TRPM8: variants seen among roughly 807,000 people sequenced by gnomAD.
TRPM8 encodes TRPM8 cationic channel.
TRPM8 carries 110 observed loss-of-function variants against 133.7 expected under a neutral mutation model. The observed-to-expected ratio is 0.82, with a 90% CI of 0.70 to 0.96. The LOEUF (loss-of-function observed/expected upper bound fraction) is 0.96. TRPM8 is among the 40% of genes least tolerant of loss of function. TRPM8 has a pLI of 0.00. For missense variants in TRPM8, 1,291 were observed against 1,379.5 expected (o/e 0.94, Z 1.02); for synonymous variants, 535 against 532.3 (o/e 1.01, Z -0.07).
At chr2:233,992,712 AT>A (rs1478832050) in intron 21 of TRPM8, among the ~76,000 whole-genome samples, 1 of 152,184 alleles carries the variant, frequency 6.6e-6, no homozygotes, top group Non-Finnish European at 1.5e-5. Context: ...CAAAGGGAAA[AT>A]TGCAGAATTC....
intron 2 of TRPM8, among the ~76,000 whole-genome samples, chr2:233,928,697 A>G (rs548670086): frequency 1.4e-4 from 22 of 152,350 alleles, no homozygotes; most frequent in Middle Eastern, 6.8e-3. Context: ...AAAGATACAA[A>G]GAAAAGAATG....
rs1439256492 is a variant in TRPM8, at chr2:233,998,179, C to T, written c.3130+1663C>T. 2.0e-5 allele frequency among the ~76,000 whole-genome samples: 3 copies of T among 152,110 alleles called. No homozygotes were observed. The East Asian group carries it at 5.8e-4, about 29-fold the overall frequency. ...GGATGTAGCTGTGGGGCCAACTCCT[C>T]CATCAGGCACAGTGCCAGGGCCCAC... On this transcript the variant is annotated intron_variant, in intron 22 of 25. Transcript: ENST00000324695.
chr2:234,016,629 C>A (rs1346110269), intron 25 of TRPM8, among the ~76,000 whole-genome samples: 1 of 152,174 alleles, frequency 6.6e-6, no homozygotes, highest in African/African-American at 2.4e-5. Context: ...TTGAATCAAC[C>A]TTTGATCCCG....
chr2:233,954,537 A>T (rs1288482139), intron 10 of TRPM8, among the ~76,000 whole-genome samples: 1 of 152,214 alleles, frequency 6.6e-6, no homozygotes, highest in Non-Finnish European at 1.5e-5. Flanking sequence ...CCCATAGTAA[A>T]TAGATCCTTG....
intron 2 of TRPM8, among the ~76,000 whole-genome samples, chr2:233,926,905 CCTT>C (rs1691529204): frequency 6.6e-6 from 1 of 152,146 alleles, no homozygotes; most frequent in Non-Finnish European, 1.5e-5. Context: ...TAGCTGCACT[CCTT>C]CACACTGTCT....
rs1223943672 is a variant in TRPM8, at chr2:233,995,845, TC to T, written c.2940-478del. ...GTATTTCCTTATTCTTAGGGTAGAT[TC>T]CCAGAAGTAAAGTCATTGGGTCAAA... On this transcript the variant is annotated intron_variant, in intron 21 of 25. Transcript: ENST00000324695. Among the ~76,000 whole-genome samples, 3 of 152,162 alleles carry T rather than the reference TC, an allele frequency of 2.0e-5. No individual in the cohort carries two copies. The East Asian group carries it at 5.8e-4, about 29-fold the overall frequency.
chr2:234,008,612 G>A (rs946716542), intron 24 of TRPM8, among the ~76,000 whole-genome samples: 3 of 152,158 alleles, frequency 2.0e-5, no homozygotes, highest in Non-Finnish European at 2.9e-5. Context: ...CAATCGATTC[G>A]TATATGCTAG....
At position 234,017,988 on chromosome 2, in the gene TRPM8, A is replaced by ATTAT. The variant is rs1692998573; in HGVS notation, c.*734_*735insATTT. The ATTAT allele has an allele frequency of 8.6e-6, 1 of 116,312 alleles. No individual in the cohort carries two copies. The highest frequency in any genetic ancestry group is 3.3e-5 in the African/African-American group (1 of 29,994). The allele number at this position is 116,312 out of a possible 1,614,324, so 7.2% of individuals were successfully genotyped here. A position where few individuals can be genotyped will look rare whatever the true frequency, so the allele number is the denominator to read the frequency against. On this transcript the variant is annotated 3_prime_UTR_variant, in exon 26 of 26. Transcript: ENST00000324695. Reference sequence around the variant, plus strand: ...GTTCTTATTGGATACTCCTCTTATTATTTTTCCATTAAAAATAATAGCTGG... The same window carrying ATTAT: ...GTTCTTATTGGATACTCCTCTTATTATTATTTTTTCCATTAAAAATAATAGCTGG...
Position 234,015,706 on chromosome 2 carries a change from T to G in TRPM8, c.*42+1052T>G, listed in dbSNP as rs184531180. On this transcript the variant is annotated intron_variant, in intron 25 of 25. Coordinates refer to ENST00000324695, the MANE Select transcript of TRPM8 (RefSeq NM_024080.5). ...ATGGAGGGCTTTGTTAGAGCAAGAC[T>G]GATGCACATTTGATGTAATCTGAAA... 1.5e-4 allele frequency among the ~76,000 whole-genome samples: 23 copies of G among 152,380 alleles called. No individual in the cohort carries two copies. The East Asian group carries it at 3.3e-3, about 22-fold the overall frequency.
chr2:233,993,664 C>T (rs1344038519), intron 21 of TRPM8, among the ~76,000 whole-genome samples: 1 of 152,150 alleles, frequency 6.6e-6, no homozygotes, highest in Non-Finnish European at 1.5e-5. Context: ...CTCCAAGTGG[C>T]CACTTAAGCC....
rs753669615 is a variant in TRPM8 at position 233,964,711 on chromosome 2, T to C, written c.1833T>C (p.Ala611=). 2 of 1,613,198 alleles carry C rather than the reference T, an allele frequency of 1.2e-6. No homozygotes were observed. Among genetic ancestry groups the C allele is most frequent in the East Asian group, 2.2e-5 (1 of 44,858 alleles). Residue 611 remains alanine, a synonymous_variant, in exon 14 of 26, where the codon GCT becomes GCC. Coordinates refer to ENST00000324695, the MANE Select transcript of TRPM8 (RefSeq NM_024080.5). ...LAKVKNDINA[A]GESEELANEY... is the part of the protein sequence containing the mutation. The stretch of plus-strand genomic sequence containing the variant: ...AAGTGAAGAACGACATCAATGCTGC[T>C]GGGGAGTCCGAGGAGCTGGCTAATG...
chr2:233,949,092 C>A (rs1166954447), intron 8 of TRPM8, among the ~76,000 whole-genome samples: 2 of 152,174 alleles, frequency 1.3e-5, no homozygotes, highest in East Asian at 3.9e-4. Context: ...TGCATCCCTT[C>A]CTGGTTTAAC....
At chr2:233,950,294 A>G in intron 9 of TRPM8, 148 bp downstream of exon 9, 1 of 739,860 alleles carries the variant, frequency 1.4e-6, no homozygotes, top group Non-Finnish European at 2.2e-6. Flanking sequence ...TCTTGCTGGA[A>G]ACTGAAGTTC....
intron 21 of TRPM8, among the ~76,000 whole-genome samples, chr2:233,991,911 A>C (rs1482270830): frequency 6.6e-6 from 1 of 152,150 alleles, no homozygotes; most frequent in Non-Finnish European, 1.5e-5. Flanking sequence ...TCTTGTGAAT[A>C]TTATTATGAT....
Position 233,979,944 on chromosome 2 carries a change from C to T in TRPM8, c.2356-244C>T, listed in dbSNP as rs371433275. On this transcript the variant is annotated intron_variant, in intron 17 of 25. Transcript: ENST00000324695. ...TCTTGAAAAAATGGTGAGGATACATCCATCCTTTTTCCTGACTTTGCCAGC... is the reference window on the plus strand; with the variant it reads ...TCTTGAAAAAATGGTGAGGATACATTCATCCTTTTTCCTGACTTTGCCAGC... 7.9e-5 allele frequency among the ~76,000 whole-genome samples: 12 copies of T among 152,310 alleles called. No individual in the cohort carries two copies. In the South Asian group the frequency reaches 1.2e-3, roughly 16 times the overall value.
At chr2:233,935,799 G>A (rs745357275) in intron 3 of TRPM8, among the ~76,000 whole-genome samples, 24 of 152,158 alleles carry the variant, frequency 1.6e-4, no homozygotes, top group Non-Finnish European at 3.2e-4. Context: ...AGGAAGCTGG[G>A]AGGAGGGTGA....
chr2:233,990,390 A>G (rs990306012), intron 21 of TRPM8, among the ~76,000 whole-genome samples: 1 of 152,214 alleles, frequency 6.6e-6, no homozygotes, highest in African/African-American at 2.4e-5. Context: ...CAAAGGCAAG[A>G]CAGCTCTGTC....
At chr2:233,976,532 AG>A (rs1691877830) in intron 17 of TRPM8, among the ~76,000 whole-genome samples, 1 of 152,082 alleles carries the variant, frequency 6.6e-6, no homozygotes, top group East Asian at 1.9e-4. Context: ...AGTAATTCCC[AG>A]GGGCTGCGGG....
At chr2:233,940,749 T>G (rs1407921031) in intron 5 of TRPM8, among the ~76,000 whole-genome samples, 3 of 152,306 alleles carry the variant, frequency 2.0e-5, no homozygotes, top group Admixed American at 2.0e-4. Context: ...AAGCATGGGT[T>G]TTGCAAAAGA....
Sources: gnomAD v4.1 joint callset for allele counts (sites outside exome capture counted in the v4.1 genomes callset) on GRCh38, gnomAD v4.1.1 for gene constraint, MANE v1.5 for transcripts, NCBI Gene and HGNC (gene_info 2026-07-23, HGNC 2026-07-21) for gene names.